The following ANKHD1 variants were observed in gnomAD, a reference collection of about 807,000 sequenced individuals.
ANKHD1 encodes the protein ankyrin repeat and KH domain containing 1.
A neutral mutation model predicts 230.5 loss-of-function variants in ANKHD1; 31 were observed. The ratio of observed to expected loss-of-function variants is 0.13; its 90% confidence interval spans 0.10 to 0.18. ANKHD1 has a LOEUF of 0.18. Ranked by LOEUF, ANKHD1 falls within the 10% of genes least tolerant of loss-of-function variation. The pLI is 1.00. For missense variants in ANKHD1, 2,256 were observed against 3,071.3 expected, an observed-to-expected ratio of 0.73 and a Z score of 6.27; for synonymous variants, 1,074 against 1,117.6, an observed-to-expected ratio of 0.96 and a Z score of 0.78.
chr5:140,523,792 C>T (rs1753476902), intron 24 of ANKHD1, among the ~76,000 whole-genome samples: 1 of 152,072 alleles, frequency 6.6e-6, no homozygotes, highest in East Asian at 1.9e-4. Flanking sequence ...AACTCCTGAC[C>T]TCAGGTAATC....
At chr5:140,469,701 G>A (rs1317371979) in intron 10 of ANKHD1, among the ~76,000 whole-genome samples, 3 of 151,980 alleles carry the variant, frequency 2.0e-5, no homozygotes, top group Non-Finnish European at 4.4e-5. Context: ...TGAAGGACAA[G>A]GAGAGTAATA....
intron 10 of ANKHD1, among the ~76,000 whole-genome samples, chr5:140,468,063 T>C (rs917371968): frequency 6.6e-5 from 1 of 15,160 alleles, no homozygotes; most frequent in East Asian, 6.4e-3. Flanking sequence ...TTTTTTTTTT[T>C]TTTTTTTTTT....
In ANKHD1 at chr5:140,486,994, G is replaced by T. The variant is rs746951875; in HGVS notation, c.2179G>T (p.Val727Leu). 1.2e-6 allele frequency: 2 copies of T among 1,613,454 alleles called. No homozygotes were observed. The highest frequency in any genetic ancestry group is 2.2e-5 in the South Asian group (2 of 91,044). The change falls in exon 14 of 34, where the codon GTA becomes TTA. Residue 727 changes from valine to leucine, a missense_variant. By Grantham distance (32) the Val-to-Leu change is conservative (BLOSUM62 1). Transcript: ENST00000360839. Reference sequence around the variant, plus strand: ...GCCAACGCATACACTTGCCATGGTTGTACCTCCCCAGGAACCTGACAGAAC... The same window carrying T: ...GCCAACGCATACACTTGCCATGGTTTTACCTCCCCAGGAACCTGACAGAAC... ...RVPTHTLAMVVPPQEPDRTSQ... is the reference protein window; with the variant it reads ...RVPTHTLAMVLPPQEPDRTSQ...
In ANKHD1 at chr5:140,507,977, C is replaced by A; in HGVS notation, c.3744C>A (p.Ala1248=). 2 of 1,613,828 alleles carry A rather than the reference C, an allele frequency of 1.2e-6. No individual in the cohort carries two copies. Among genetic ancestry groups the A allele is most frequent in the Non-Finnish European group, 1.7e-6 (2 of 1,179,798 alleles). ...EVVSLLLDRK[A]NVEHRAKTGL... Reference sequence around the variant, plus strand: ...TGAGTTTGCTTCTGGACCGAAAAGCCAATGTTGAACATAGGGCAAAGGTAA... The same window carrying A: ...TGAGTTTGCTTCTGGACCGAAAAGCAAATGTTGAACATAGGGCAAAGGTAA... The change falls in exon 20 of 34, where the codon GCC becomes GCA. Residue 1248 remains alanine, a synonymous_variant. Coordinates refer to ENST00000360839, the MANE Select transcript of ANKHD1 (RefSeq NM_017747.3). The surrounding 1 kb of genome is among the most constrained non-coding windows in gnomAD (Gnocchi z 4.1).
chr5:140,462,769 T>TC (rs1362435657), intron 9 of ANKHD1, among the ~76,000 whole-genome samples: 4 of 151,748 alleles, frequency 2.6e-5, no homozygotes, highest in African/African-American at 4.8e-5. Context: ...TGTCTTTTTT[T>TC]CCCCCTTTAT....
Position 140,491,139 on chromosome 5 carries a change from C to CACATATAT in ANKHD1, c.2245+4080_2245+4081insCATATATA, listed in dbSNP as rs1460352213. Among the ~76,000 whole-genome samples, 491 of 56,090 alleles carry CACATATAT rather than the reference C, an allele frequency of 8.8e-3. 2 individuals carry two copies. The highest frequency in any genetic ancestry group is 0.018 in the Middle Eastern group (1 of 56). 36.8% of individuals were successfully genotyped at this position (56,090 alleles called of 152,430 possible). ...ACACACATATATATATATATATACA[C>CACATATAT]ATATATATATATATATATATATTTT... is the stretch of plus-strand genomic sequence containing the variant. On this transcript the variant is annotated intron_variant, in intron 14 of 33. Coordinates refer to ENST00000360839, the MANE Select transcript of ANKHD1 (RefSeq NM_017747.3).
At chr5:140,430,455 A>G (rs1427645830) in intron 1 of ANKHD1, among the ~76,000 whole-genome samples, 2 of 152,190 alleles carry the variant, frequency 1.3e-5, no homozygotes, top group Non-Finnish European at 2.9e-5. Context: ...AGCTATATGT[A>G]AGAAAGTATA....
At chr5:140,481,348 T>C (rs1205444029) in intron 10 of ANKHD1, among the ~76,000 whole-genome samples, 1 of 152,120 alleles carries the variant, frequency 6.6e-6, no homozygotes, top group African/African-American at 2.4e-5. Flanking sequence ...CAAATTATTT[T>C]GGCATTATCT....
chr5:140,498,585 GAC>G (rs1752138563), intron 15 of ANKHD1, among the ~76,000 whole-genome samples: 1 of 152,154 alleles, frequency 6.6e-6, no homozygotes, highest in Non-Finnish European at 1.5e-5. Context: ...TCAGTTGGTA[GAC>G]ACAAATTAAC....
intron 29 of ANKHD1, among the ~76,000 whole-genome samples, chr5:140,533,635 G>A (rs1194621662): frequency 6.6e-6 from 1 of 151,690 alleles, no homozygotes; most frequent in Non-Finnish European, 1.5e-5. Flanking sequence ...TTAGCTCAGT[G>A]TGGTGGTACA....
chr5:140,444,650 AAAAC>A (rs1561731553), intron 5 of ANKHD1, among the ~76,000 whole-genome samples: 4 of 152,194 alleles, frequency 2.6e-5, no homozygotes, highest in Admixed American at 2.0e-4. Context: ...GCTTTTTAAA[AAAAC>A]AAACAAAAAA....
chr5:140,406,180 G>A (rs1350067209), intron 1 of ANKHD1, among the ~76,000 whole-genome samples: 3 of 151,784 alleles, frequency 2.0e-5, no homozygotes, highest in Non-Finnish European at 4.4e-5. Context: ...AGAGGTTGCA[G>A]TGAGCCGAGA....
At position 140,512,941 on chromosome 5, in the gene ANKHD1, C is replaced by T. The variant is rs1357140437; in HGVS notation, c.4200+18C>T. On this transcript the variant is annotated intron_variant, in intron 23 of 33. Transcript: ENST00000360839. The stretch of plus-strand genomic sequence containing the variant: ...CAGATAAGGTAAGTTTAATATGCTA[C>T]TGAAGCACATTTTTGTTCTTTGTGG... 3 of 1,572,322 alleles carry T rather than the reference C, an allele frequency of 1.9e-6. No homozygotes were observed. Among genetic ancestry groups the T allele is most frequent in the African/African-American group, 2.8e-5 (2 of 72,626 alleles).
intron 7 of ANKHD1, among the ~76,000 whole-genome samples, chr5:140,454,382 T>C (rs1262047095): frequency 2.0e-5 from 3 of 152,088 alleles, no homozygotes; most frequent in Admixed American, 1.3e-4. Flanking sequence ...TCTACAGAAC[T>C]CTCCACCCCA....
chr5:140,473,967 C>T (rs1750817704), intron 10 of ANKHD1, among the ~76,000 whole-genome samples: 1 of 152,168 alleles, frequency 6.6e-6, no homozygotes, highest in African/African-American at 2.4e-5. Context: ...TCAGGAGATT[C>T]TGATGACAAG....
chr5:140,442,305 A>C (rs573388348), intron 5 of ANKHD1, among the ~76,000 whole-genome samples: 3 of 152,084 alleles, frequency 2.0e-5, no homozygotes, highest in African/African-American at 7.2e-5. Context: ...CAGCCTCCCA[A>C]AGTGCTGGGA....
intron 15 of ANKHD1, among the ~76,000 whole-genome samples, chr5:140,500,022 C>T (rs1420098305): frequency 6.6e-6 from 1 of 152,014 alleles, no homozygotes; most frequent in East Asian, 1.9e-4. Context: ...GCACCTGCCA[C>T]CACACCCAGC....
Position 140,509,617 on chromosome 5 carries a change from T to C in ANKHD1, c.3766-20T>C. 1 of 1,491,870 alleles carries C rather than the reference T, an allele frequency of 6.7e-7. No homozygotes were observed. Among genetic ancestry groups the C allele is most frequent in the Non-Finnish European group, 8.9e-7 (1 of 1,120,910 alleles). The allele number at this position is 1,491,870 out of a possible 1,614,324, so 92.4% of individuals were successfully genotyped here. A position where few individuals can be genotyped will look rare whatever the true frequency, so the allele number is the denominator to read the frequency against. On this transcript the variant is annotated intron_variant, in intron 20 of 33. Coordinates refer to ENST00000360839, the MANE Select transcript of ANKHD1 (RefSeq NM_017747.3). Reference sequence around the variant, plus strand: ...AAAAAAGAAATGTAACTTAGTTGCATAATTTATTGGTTTAAACAGACGGGT... The same window carrying C: ...AAAAAAGAAATGTAACTTAGTTGCACAATTTATTGGTTTAAACAGACGGGT...
intron 22 of ANKHD1, among the ~76,000 whole-genome samples, chr5:140,511,337 A>G (rs1752759816): frequency 6.6e-6 from 1 of 152,164 alleles, no homozygotes; most frequent in Admixed American, 6.5e-5. Context: ...CTGGCCTAGA[A>G]TGCACTAAAT....
Sources: gnomAD v4.1 joint callset for allele counts (sites outside exome capture counted in the v4.1 genomes callset) on GRCh38, gnomAD v4.1.1 for gene constraint, Gnocchi (gnomAD v3.1) non-coding constraint, MANE v1.5 for transcripts, NCBI Gene and HGNC (gene_info 2026-07-23, HGNC 2026-07-21) for gene names.